The following MEI4 variants were observed in gnomAD, a reference collection of about 807,000 sequenced individuals.
MEI4 encodes meiotic double-stranded break formation protein 4.
Under a neutral mutation model 31.4 loss-of-function variants are expected in MEI4, and 27 were observed. The observed-to-expected ratio is 0.86, with a 90% CI of 0.63 to 1.19. The LOEUF (loss-of-function observed/expected upper bound fraction) is 1.19. Among genes scored for constraint, MEI4 ranks in the 50% most tolerant of loss-of-function variants. The pLI, the probability that MEI4 is intolerant of heterozygous loss-of-function variation, is 0.00. For missense variants in MEI4, 329 were observed against 398.9 expected (o/e 0.82, Z 1.49); for synonymous variants, 122 against 145.4 (o/e 0.84, Z 1.16).
chr6:77,803,482 A>G (rs937835339), intron 3 of MEI4, among the ~76,000 whole-genome samples: 2 of 152,158 alleles, frequency 1.3e-5, no homozygotes, highest in Non-Finnish European at 2.9e-5. Context: ...CGTCAAAGTC[A>G]TTCTCCATCC....
At chr6:77,709,242 C>T (rs1025976173) in intron 2 of MEI4, among the ~76,000 whole-genome samples, 24 of 152,136 alleles carry the variant, frequency 1.6e-4, no homozygotes, top group African/African-American at 3.4e-4. Context: ...CTGTTTCTTA[C>T]GTTTCAAAAA....
chr6:77,826,752 C>T (rs1451988741), intron 3 of MEI4, among the ~76,000 whole-genome samples: 1 of 152,120 alleles, frequency 6.6e-6, no homozygotes, highest in Non-Finnish European at 1.5e-5. Flanking sequence ...AGTGTTGATC[C>T]TTTCAGAAAA....
At chr6:77,871,551 A>G (rs1382736728) in intron 4 of MEI4, among the ~76,000 whole-genome samples, 1 of 152,000 alleles carries the variant, frequency 6.6e-6, no homozygotes, top group Non-Finnish European at 1.5e-5. Flanking sequence ...ACTAGCAGGG[A>G]GAGAGGGAGG....
intron 3 of MEI4, among the ~76,000 whole-genome samples, chr6:77,785,696 C>T (rs530979385): frequency 1.4e-4 from 21 of 152,178 alleles, no homozygotes; most frequent in African/African-American, 1.9e-4. Flanking sequence ...GTATTTAATT[C>T]GGAAAGAGTG....
intron 4 of MEI4, among the ~76,000 whole-genome samples, chr6:77,906,569 G>A (rs1393385301): frequency 6.6e-6 from 1 of 152,150 alleles, no homozygotes; most frequent in Admixed American, 6.6e-5. Context: ...TTATTTTCCT[G>A]CTGGAGAAGT....
intron 4 of MEI4, among the ~76,000 whole-genome samples, chr6:77,839,492 C>A (rs1399623624): frequency 6.6e-6 from 1 of 152,054 alleles, no homozygotes; most frequent in Non-Finnish European, 1.5e-5. Flanking sequence ...CAGACTCACC[C>A]CTGACCTGTG....
intron 1 of MEI4, among the ~76,000 whole-genome samples, chr6:77,660,541 A>T (rs2127642033): frequency 6.6e-6 from 1 of 150,854 alleles, no homozygotes; most frequent in East Asian, 2.0e-4. Context: ...GATAGTAGGG[A>T]TGACTAGTTT....
At chr6:77,759,154 T>C (rs957503802) in intron 2 of MEI4, among the ~76,000 whole-genome samples, 2 of 152,194 alleles carry the variant, frequency 1.3e-5, no homozygotes, top group Admixed American at 1.3e-4. Context: ...TTTTGCTTCA[T>C]GTATGTAACT....
At chr6:77,779,527 T>C (rs1312250703) in intron 3 of MEI4, among the ~76,000 whole-genome samples, 1 of 152,208 alleles carries the variant, frequency 6.6e-6, no homozygotes, top group Non-Finnish European at 1.5e-5. Context: ...AAAATAATAA[T>C]TTAAAATTAC....
intron 4 of MEI4, among the ~76,000 whole-genome samples, chr6:77,906,169 T>C (rs1766292070): frequency 6.6e-6 from 1 of 152,176 alleles, no homozygotes; most frequent in South Asian, 2.1e-4. Context: ...TCTCAGAAAA[T>C]TTGCACATCT....
At chr6:77,667,210 G>A (rs528439309) in intron 1 of MEI4, among the ~76,000 whole-genome samples, 2 of 152,234 alleles carry the variant, frequency 1.3e-5, no homozygotes, top group South Asian at 2.1e-4. Flanking sequence ...AATTAAATGA[G>A]TAAATGAATA....
intron 4 of MEI4, among the ~76,000 whole-genome samples, chr6:77,856,571 G>A (rs1415539402): frequency 6.6e-6 from 1 of 152,080 alleles, no homozygotes; most frequent in Non-Finnish European, 1.5e-5. Flanking sequence ...TCATGACCAT[G>A]TTGCATGATT....
intron 3 of MEI4, among the ~76,000 whole-genome samples, chr6:77,787,929 A>T (rs568787614): frequency 7.4e-4 from 112 of 152,300 alleles, no homozygotes; most frequent in Non-Finnish European, 1.3e-3. Flanking sequence ...GGATTTTTGC[A>T]TCGATGTTCA....
At chr6:77,765,735 C>T (rs1399902177) in intron 3 of MEI4, among the ~76,000 whole-genome samples, 4 of 151,840 alleles carry the variant, frequency 2.6e-5, no homozygotes, top group Admixed American at 2.6e-4. Context: ...GACACATGCA[C>T]ACATATGTTT....
chr6:77,858,690 C>T (rs937347666), intron 4 of MEI4, among the ~76,000 whole-genome samples: 10 of 152,108 alleles, frequency 6.6e-5, no homozygotes, highest in Non-Finnish European at 1.3e-4. Context: ...TGATTTAGAC[C>T]TTTCACCAGC....
chr6:77,658,985 T>C (rs550004910), intron 1 of MEI4, among the ~76,000 whole-genome samples: 2,914 of 152,122 alleles, frequency 0.019, 88 homozygotes, highest in African/African-American at 0.067. Flanking sequence ...TTTTCAGCAG[T>C]GAGTAAGTCA....
At chr6:77,746,434 C>T (rs541940070) in intron 2 of MEI4, among the ~76,000 whole-genome samples, 6 of 152,170 alleles carry the variant, frequency 3.9e-5, no homozygotes, top group African/African-American at 1.4e-4. Flanking sequence ...TCCTCTTGCT[C>T]GAATGCCTTG....
intron 3 of MEI4, among the ~76,000 whole-genome samples, chr6:77,797,948 TA>T (rs1174895948): frequency 6.6e-6 from 1 of 152,074 alleles, no homozygotes; most frequent in Non-Finnish European, 1.5e-5. Flanking sequence ...CCATCACACT[TA>T]GTAAAGTAAG....
intron 4 of MEI4, among the ~76,000 whole-genome samples, chr6:77,907,920 T>C (rs1223198216): frequency 6.6e-6 from 1 of 152,126 alleles, no homozygotes; most frequent in East Asian, 1.9e-4. Flanking sequence ...CGTGTTTTCA[T>C]TTGTCTTTTG....
Sources: allele counts gnomAD v4.1 joint callset (sites outside exome capture counted in the v4.1 genomes callset), GRCh38; gene constraint gnomAD v4.1.1; transcripts MANE v1.5; gene names NCBI Gene and HGNC (gene_info 2026-07-23, HGNC 2026-07-21).